NRG3: variants seen among roughly 807,000 people sequenced by gnomAD.
The protein encoded by NRG3 is pro-neuregulin-3, membrane-bound isoform.
In NRG3, 31 loss-of-function variants were observed where a neutral mutation model predicts 66.9. The ratio of observed to expected loss-of-function variants is 0.46; its 90% CI spans 0.35 to 0.63. The LOEUF is 0.63. Among genes scored for constraint, NRG3 ranks in the 20% least tolerant of loss-of-function variants. The pLI is 0.00. For synonymous variants in NRG3, 393 were observed against 359.4 expected (o/e 1.09, Z -1.06); for missense variants, 910 against 878.9 (o/e 1.04, Z -0.45).
intron 1 of NRG3, among the ~76,000 whole-genome samples, chr10:82,209,840 C>A (rs1003008152): frequency 6.6e-6 from 1 of 152,124 alleles, no homozygotes; most frequent in African/African-American, 2.4e-5. Flanking sequence ...TCTGTGTAAG[C>A]TGCAGCTTCA....
intron 1 of NRG3, among the ~76,000 whole-genome samples, chr10:82,337,098 T>G (rs1231006774): frequency 6.6e-6 from 1 of 152,210 alleles, no homozygotes; most frequent in Non-Finnish European, 1.5e-5. Context: ...CTTTTACTTC[T>G]TACTAAACTG....
intron 4 of NRG3, among the ~76,000 whole-genome samples, chr10:82,911,288 A>G (rs1845297115): frequency 6.6e-6 from 1 of 152,074 alleles, no homozygotes; most frequent in Non-Finnish European, 1.5e-5. Flanking sequence ...AAGGGCAGAT[A>G]TTTTTAATTT....
intron 1 of NRG3, among the ~76,000 whole-genome samples, chr10:81,983,759 A>G (rs2060422065): frequency 6.6e-6 from 1 of 152,220 alleles, no homozygotes; most frequent in South Asian, 2.1e-4. Flanking sequence ...AATTAAGCTT[A>G]GTATCTTTCT....
At chr10:82,801,879 C>T (rs561287266) in intron 3 of NRG3, among the ~76,000 whole-genome samples, 134 of 152,330 alleles carry the variant, frequency 8.8e-4, no homozygotes, top group South Asian at 2.1e-3. Context: ...TAACACTCAA[C>T]ATGATCCATT....
chr10:82,384,034 A>T (rs2085809422), intron 2 of NRG3, among the ~76,000 whole-genome samples: 1 of 152,054 alleles, frequency 6.6e-6, no homozygotes, highest in Non-Finnish European at 1.5e-5. Flanking sequence ...ATTCCTTTCA[A>T]ATGAAACCTT....
chr10:82,289,382 A>G (rs2134566159), intron 1 of NRG3, among the ~76,000 whole-genome samples: 1 of 151,998 alleles, frequency 6.6e-6, no homozygotes, highest in East Asian at 1.9e-4. Flanking sequence ...TTATCTTGTG[A>G]TCCATTTAGG....
At chr10:82,891,816 A>C (rs1362623676) in intron 4 of NRG3, among the ~76,000 whole-genome samples, 1 of 152,006 alleles carries the variant, frequency 6.6e-6, no homozygotes, top group Non-Finnish European at 1.5e-5. Flanking sequence ...ATTAATTAAA[A>C]GTAGTCATAG....
intron 2 of NRG3, among the ~76,000 whole-genome samples, chr10:82,711,057 C>A (rs934297320): frequency 1.3e-5 from 2 of 152,074 alleles, no homozygotes; most frequent in Non-Finnish European, 2.9e-5. Flanking sequence ...CAGTCCTGAG[C>A]TATTTTGCTC....
At chr10:82,982,763 A>G (rs2132683143) in intron 8 of NRG3, among the ~76,000 whole-genome samples, 1 of 152,344 alleles carries the variant, frequency 6.6e-6, no homozygotes, top group South Asian at 2.1e-4. Context: ...ACTTGAAATC[A>G]TGTCTAATTC....
chr10:82,514,573 G>GT (rs1034595221), intron 2 of NRG3, among the ~76,000 whole-genome samples: 29 of 151,776 alleles, frequency 1.9e-4, no homozygotes, highest in South Asian at 1.2e-3. Context: ...TACTATGCTG[G>GT]TTTTTTTTGT....
intron 3 of NRG3, among the ~76,000 whole-genome samples, chr10:82,830,522 T>C (rs895810885): frequency 1.3e-5 from 2 of 152,152 alleles, no homozygotes; most frequent in Admixed American, 1.3e-4. Context: ...AATTCTGAGT[T>C]AAAACCTATC....
intron 1 of NRG3, among the ~76,000 whole-genome samples, chr10:81,974,531 G>A (rs542157437): frequency 3.0e-4 from 45 of 152,228 alleles, no homozygotes; most frequent in Non-Finnish European, 5.0e-4. Context: ...GAGTTATAGG[G>A]CTCTTTATGG....
chr10:82,906,057 C>T (rs770827447), intron 4 of NRG3, among the ~76,000 whole-genome samples: 3 of 152,152 alleles, frequency 2.0e-5, no homozygotes, highest in Admixed American at 6.6e-5. Context: ...CAGCTACGTG[C>T]TATCCTGCTC....
intron 2 of NRG3, among the ~76,000 whole-genome samples, chr10:82,599,107 G>T (rs2047461346): frequency 6.6e-6 from 1 of 152,042 alleles, no homozygotes; most frequent in Non-Finnish European, 1.5e-5. Context: ...AAGGTCAGTA[G>T]GTATGGCAGT....
chr10:82,178,056 A>T (rs1473709020), intron 1 of NRG3, among the ~76,000 whole-genome samples: 1 of 152,160 alleles, frequency 6.6e-6, no homozygotes, highest in African/African-American at 2.4e-5. Flanking sequence ...AATATTAATG[A>T]TAGTAAAATT....
At chr10:82,843,734 C>T (rs758800647) in intron 3 of NRG3, among the ~76,000 whole-genome samples, 19 of 151,896 alleles carry the variant, frequency 1.3e-4, no homozygotes. Flanking sequence ...AGAAGGGATA[C>T]TAATCAAATG....
intron 2 of NRG3, among the ~76,000 whole-genome samples, chr10:82,733,864 G>A (rs911434302): frequency 3.3e-5 from 5 of 152,198 alleles, no homozygotes; most frequent in African/African-American, 1.2e-4. Flanking sequence ...TGTTATTCAG[G>A]AAATAGGCTG....
At chr10:82,935,075 GGTAA>G (rs550076726) in intron 4 of NRG3, among the ~76,000 whole-genome samples, 144 of 152,256 alleles carry the variant, frequency 9.5e-4, no homozygotes, top group Admixed American at 1.9e-3. Flanking sequence ...GATACCTGGG[GGTAA>G]TCTCTGTCAC....
chr10:82,062,808 G>A (rs1237234059), intron 1 of NRG3, among the ~76,000 whole-genome samples: 1 of 152,052 alleles, frequency 6.6e-6, no homozygotes, highest in Non-Finnish European at 1.5e-5. Context: ...AAACAAAAAT[G>A]TGCTGAATCC....
Sources: gnomAD v4.1 joint callset for allele counts (sites outside exome capture counted in the v4.1 genomes callset) on GRCh38, gnomAD v4.1.1 for gene constraint, MANE v1.5 for transcripts, NCBI Gene and HGNC (gene_info 2026-07-23, HGNC 2026-07-21) for gene names.